DYNC1I2: variants seen among roughly 807,000 people sequenced by gnomAD.
The protein encoded by DYNC1I2 is cytoplasmic dynein 1 intermediate chain 2.
DYNC1I2 carries 53 observed loss-of-function variants against 88.6 expected under a neutral mutation model. The ratio of observed to expected loss-of-function variants is 0.60; its 90% CI spans 0.48 to 0.75. The LOEUF is 0.75. Ranked by LOEUF, DYNC1I2 falls within the 30% of genes least tolerant of loss-of-function variation. The probability of loss-of-function intolerance (pLI) is 0.00; values close to 1 mark genes in which losing one functional copy is unlikely to be tolerated. For synonymous variants in DYNC1I2, 198 were observed against 254.6 expected (o/e 0.78, Z 2.12); for missense variants, 458 against 766.6 (o/e 0.60, Z 4.75).
At chr2:171,731,334 C>T (rs1168707288) in intron 15 of DYNC1I2, among the ~76,000 whole-genome samples, 2 of 152,132 alleles carry the variant, frequency 1.3e-5, no homozygotes, top group African/African-American at 2.4e-5. Flanking sequence ...ACTCTTTGAG[C>T]GCAGGCATGA....
intron 3 of DYNC1I2, among the ~76,000 whole-genome samples, chr2:171,697,161 C>A (rs1330176080): frequency 6.6e-6 from 1 of 151,882 alleles, no homozygotes; most frequent in Non-Finnish European, 1.5e-5. Context: ...CCACCATGCC[C>A]AACTAATTTT....
At chr2:171,745,557 A>AGACC (rs1689720222) in intron 16 of DYNC1I2, among the ~76,000 whole-genome samples, 1 of 152,260 alleles carries the variant, frequency 6.6e-6, no homozygotes, top group Non-Finnish European at 1.5e-5. Context: ...ACCTTTCAAA[A>AGACC]TAATGTGTCT....
chr2:171,700,665 T>C (rs1287500362), intron 3 of DYNC1I2, among the ~76,000 whole-genome samples: 2 of 152,196 alleles, frequency 1.3e-5, no homozygotes, highest in Admixed American at 6.5e-5. Flanking sequence ...AGAGTCTTGC[T>C]GTGTCGCCCA....
At chr2:171,706,145 T>C (rs962632971) in intron 3 of DYNC1I2, among the ~76,000 whole-genome samples, 2 of 152,122 alleles carry the variant, frequency 1.3e-5, no homozygotes, top group Admixed American at 1.3e-4. Flanking sequence ...TTTAATTAAA[T>C]ACTTATTTCT....
intron 17 of DYNC1I2, 136 bp downstream of exon 17, chr2:171,746,063 C>A: frequency 1.2e-6 from 1 of 824,862 alleles, no homozygotes; most frequent in Non-Finnish European, 1.8e-6. Context: ...AACTTACTTT[C>A]TACCACAGAA....
chr2:171,700,285 G>A (rs1359426446), intron 3 of DYNC1I2, among the ~76,000 whole-genome samples: 1 of 152,126 alleles, frequency 6.6e-6, no homozygotes, highest in Admixed American at 6.5e-5. Context: ...AGCAATCGAA[G>A]AGAAAAAGAG....
At chr2:171,739,786 A>G (rs979618618) in intron 15 of DYNC1I2, among the ~76,000 whole-genome samples, 1 of 141,194 alleles carries the variant, frequency 7.1e-6, no homozygotes. Context: ...GCTCACTGCA[A>G]CCTCTGTCTC....
chr2:171,712,424 T>C (rs1687187584), intron 5 of DYNC1I2: 1 of 196,300 alleles, frequency 5.1e-6, no homozygotes, highest in Non-Finnish European at 1.0e-5. Context: ...CCTAGCTTGT[T>C]ATCCATAAAT....
chr2:171,733,113 A>G (rs1488371758), intron 15 of DYNC1I2, among the ~76,000 whole-genome samples: 1 of 152,038 alleles, frequency 6.6e-6, no homozygotes, highest in Non-Finnish European at 1.5e-5. Flanking sequence ...CTGTTCCTGC[A>G]TTGGTTTGCT....
chr2:171,728,040 A>C (rs977696902), intron 12 of DYNC1I2, 73 bp downstream of exon 12: 16 of 1,468,808 alleles, frequency 1.1e-5, no homozygotes, highest in Non-Finnish European at 5.5e-6. Context: ...AGTAGTGGCC[A>C]TCAGAGTCAT....
At chr2:171,721,121 TA>T (rs1170082849) in intron 7 of DYNC1I2, among the ~76,000 whole-genome samples, 30,224 of 60,608 alleles carry the variant, frequency 0.5, 5,958 homozygotes, top group Non-Finnish European at 0.53. Flanking sequence ...CCCCATCTCT[TA>T]AAAAAAAAAA....
chr2:171,738,217 AG>A (rs1451095372), intron 15 of DYNC1I2, among the ~76,000 whole-genome samples: 1 of 152,086 alleles, frequency 6.6e-6, no homozygotes, highest in Non-Finnish European at 1.5e-5. Flanking sequence ...CTGTAATCCC[AG>A]CTACTCGGGA....
chr2:171,749,276 G>A lies in DYNC1I2; in HGVS notation c.*1387G>A, dbSNP rs538232741. Among the ~76,000 whole-genome samples the A allele has an allele frequency of 6.6e-6, 1 of 152,198 alleles. No homozygotes were observed. The highest frequency in any genetic ancestry group is 2.1e-4 in the South Asian group (1 of 4,828). On this transcript the variant is annotated 3_prime_UTR_variant, in exon 18 of 18. Coordinates refer to ENST00000397119, the MANE Select transcript of DYNC1I2 (RefSeq NM_001378.3). ...TCTTTATATGTAGGAATTAAGTTTTGATTTAATGATTTCTGAATTTTCTTT... is the reference window on the plus strand; with the variant it reads ...TCTTTATATGTAGGAATTAAGTTTTAATTTAATGATTTCTGAATTTTCTTT...
intron 3 of DYNC1I2, among the ~76,000 whole-genome samples, chr2:171,693,952 C>T (rs1685570304): frequency 6.6e-6 from 1 of 151,228 alleles, no homozygotes; most frequent in African/African-American, 2.4e-5. Flanking sequence ...TGTGCTTTGG[C>T]TTTTGTTTTT....
At chr2:171,737,371 G>A (rs1394857991) in intron 15 of DYNC1I2, among the ~76,000 whole-genome samples, 2 of 152,142 alleles carry the variant, frequency 1.3e-5, no homozygotes, top group East Asian at 1.9e-4. Context: ...AGGTAGACAC[G>A]AATTTTGGGA....
rs1297794346 is a variant in DYNC1I2 at position 171,748,970 on chromosome 2, A to T, written c.*1081A>T. ...AGGACTATGATCAGATCTTGATTTT[A>T]TCTACTTTAAATTGTCTATTTATTT... is the stretch of plus-strand genomic sequence containing the variant. On this transcript the variant is annotated 3_prime_UTR_variant, in exon 18 of 18. Transcript: ENST00000397119. Among the ~76,000 whole-genome samples the T allele has an allele frequency of 6.6e-6, 1 of 152,210 alleles. No individual in the cohort carries two copies. Among genetic ancestry groups the T allele is most frequent in the African/African-American group, 2.4e-5 (1 of 41,464 alleles).
At chr2:171,738,543 T>C (rs1328790232) in intron 15 of DYNC1I2, among the ~76,000 whole-genome samples, 1 of 152,176 alleles carries the variant, frequency 6.6e-6, no homozygotes, top group Non-Finnish European at 1.5e-5. Context: ...CCATTACAAA[T>C]AGTGTTGTGA....
chr2:171,693,082 G>A (rs1685510830), intron 3 of DYNC1I2, 188 bp downstream of exon 3: 2 of 550,668 alleles, frequency 3.6e-6, no homozygotes, highest in Non-Finnish European at 6.6e-6. Context: ...GTTCAAAAGA[G>A]CTGCAAGAGT....
At chr2:171,709,314 G>A (rs1393391949) in intron 5 of DYNC1I2, among the ~76,000 whole-genome samples, 1 of 152,120 alleles carries the variant, frequency 6.6e-6, no homozygotes, top group East Asian at 1.9e-4. Context: ...ACAACCCAGA[G>A]ATTATTAGAG....
Sources: gnomAD v4.1 joint callset for allele counts (sites outside exome capture counted in the v4.1 genomes callset) on GRCh38, gnomAD v4.1.1 for gene constraint, MANE v1.5 for transcripts, NCBI Gene and HGNC (gene_info 2026-07-23, HGNC 2026-07-21) for gene names.